Variants in RIC1 observed in about 807,000 individuals in gnomAD.
RIC1 encodes RIC1 partner of RAB6A GEF complex, also known as guanine nucleotide exchange factor subunit RIC1.
RIC1 carries 88 observed loss-of-function variants against 169.0 expected under a neutral mutation model. The ratio of observed to expected loss-of-function variants is 0.52; its 90% CI spans 0.44 to 0.62. The LOEUF (loss-of-function observed/expected upper bound fraction) is 0.62, where lower values mean the gene tolerates loss of function less well. Ranked by LOEUF, RIC1 falls within the 20% of genes least tolerant of loss-of-function variation. The probability of loss-of-function intolerance (pLI) is 0.00; values close to 1 mark genes in which losing one functional copy is unlikely to be tolerated. For synonymous variants in RIC1, 790 were observed against 601.5 expected, an observed-to-expected ratio of 1.31 and a Z score of -4.59; for missense variants, 1,877 against 1,725.5, an observed-to-expected ratio of 1.09 and a Z score of -1.56.
chr9:5,733,486 T>A (rs1160145108), intron 7 of RIC1, among the ~76,000 whole-genome samples: 1 of 152,076 alleles, frequency 6.6e-6, no homozygotes, highest in East Asian at 1.9e-4. Context: ...GCCAGGATGG[T>A]CTTGATCTCC....
chr9:5,633,169 G>A (rs2130231865), intron 1 of RIC1, among the ~76,000 whole-genome samples: 1 of 152,232 alleles, frequency 6.6e-6, no homozygotes, highest in African/African-American at 2.4e-5. Context: ...AGTTCCCATT[G>A]GTATGTGCTA....
chr9:5,694,937 T>C (rs1003365914), intron 3 of RIC1, among the ~76,000 whole-genome samples: 7 of 152,120 alleles, frequency 4.6e-5, no homozygotes, highest in African/African-American at 1.7e-4. Flanking sequence ...CTGTTGTAGA[T>C]ACTAGAGATC....
At chr9:5,637,407 C>T (rs1818023381) in intron 1 of RIC1, among the ~76,000 whole-genome samples, 1 of 152,124 alleles carries the variant, frequency 6.6e-6, no homozygotes, top group Admixed American at 6.5e-5. Context: ...TTGTAACAAT[C>T]AGTTCATGAA....
Position 5,720,180 on chromosome 9 carries a change from A to G in RIC1, c.441-2A>G. On this transcript the variant is annotated splice_acceptor_variant, in intron 4 of 25. Coordinates refer to ENST00000414202, the MANE Select transcript of RIC1 (RefSeq NM_020829.4). LOFTEE classifies it high-confidence loss of function. Reference sequence around the variant, plus strand: ...TTAAAAATTAATTGATTCTACCTACAGTTTGCAGTCTGTGTTGGAAGATCT... The same window carrying G: ...TTAAAAATTAATTGATTCTACCTACGGTTTGCAGTCTGTGTTGGAAGATCT... The G allele has an allele frequency of 6.2e-7, 1 of 1,609,320 alleles. No homozygotes were observed. The highest frequency in any genetic ancestry group is 8.5e-7 in the Non-Finnish European group (1 of 1,176,034).
Position 5,765,539 on chromosome 9 carries a change from A to G in RIC1, c.2967A>G (p.Glu989=). Residue 989 remains glutamate, a synonymous_variant, in exon 20 of 26, where the codon GAA becomes GAG. Transcript: ENST00000414202. The part of the protein sequence containing the change: ...IRFLKAIGSG[E]SETPPSTPTA... Reference sequence around the variant, plus strand: ...TTCTTAAAGCCATTGGCTCTGGAGAATCTGAGACACCTCCATCCACACCCA... The same window carrying G: ...TTCTTAAAGCCATTGGCTCTGGAGAGTCTGAGACACCTCCATCCACACCCA... The G allele has an allele frequency of 1.1e-5, 17 of 1,614,010 alleles. No homozygotes were observed. Among genetic ancestry groups the G allele is most frequent in the Non-Finnish European group, 1.4e-5 (16 of 1,179,964 alleles).
At chr9:5,727,638 T>C (rs577379309) in intron 6 of RIC1, among the ~76,000 whole-genome samples, 1 of 152,354 alleles carries the variant, frequency 6.6e-6, no homozygotes, top group South Asian at 2.1e-4. Context: ...TTTAGAATTT[T>C]AGCTTTTCTG....
At position 5,763,576 on chromosome 9, in the gene RIC1, C is replaced by T; in HGVS notation, c.2549C>T (p.Ser850Phe). 1 of 1,614,130 alleles carries T rather than the reference C, an allele frequency of 6.2e-7. No individual in the cohort carries two copies. The highest frequency in any genetic ancestry group is 8.5e-7 in the Non-Finnish European group (1 of 1,179,994). ...GAGCAAGCCTTGCTCTTGGCCCAGT[C>T]CTGTGCCACATTACCTTACTTCCCT... ...LGEQALLLAQ[S>F]CATLPYFPHV... The change falls in exon 19 of 26, where the codon TCC (serine) becomes TTC (phenylalanine). Residue 850 changes from serine (S) to phenylalanine (F), a missense_variant. Ser to Phe is a radical substitution (Grantham distance 155). This residue lies in a region of RIC1 where 92 missense variants were observed against 151.5 expected (regional missense o/e 0.61). Coordinates refer to ENST00000414202, the MANE Select transcript of RIC1 (RefSeq NM_020829.4). This position sits in a 1 kb window ranked among gnomAD's most constrained non-coding sequence, Gnocchi z 5.2.
intron 21 of RIC1, among the ~76,000 whole-genome samples, chr9:5,767,578 ATGTTTTACTGGGTTTTTT>A (rs1826870827): frequency 6.7e-6 from 1 of 149,970 alleles, no homozygotes; most frequent in Admixed American, 6.6e-5. Flanking sequence ...TGTTATTGTC[ATGTTTTACTGGGTTTTTT>A]TGTTTTTTGA....
intron 2 of RIC1, among the ~76,000 whole-genome samples, chr9:5,665,192 G>A (rs1819681480): frequency 6.6e-6 from 1 of 151,912 alleles, no homozygotes; most frequent in South Asian, 2.1e-4. Context: ...TGATCTTGTA[G>A]TGTGTTTCTC....
At chr9:5,713,336 G>A (rs544638672) in intron 3 of RIC1, 1 of 152,500 alleles carries the variant, frequency 6.6e-6, no homozygotes, top group East Asian at 1.9e-4. Context: ...CTCTACTGCA[G>A]CTATTTGATG....
At chr9:5,764,975 C>T (rs1235132106) in intron 19 of RIC1, 1 of 153,906 alleles carries the variant, frequency 6.5e-6, no homozygotes. Context: ...TGCTATTGCC[C>T]AAAGCAAAGA....
Position 5,661,392 on chromosome 9 carries a change from G to A in RIC1, c.252+4702G>A, listed in dbSNP as rs1437556838. On this transcript the variant is annotated intron_variant, in intron 2 of 25. Transcript: ENST00000414202. ...GAAGAATGTCAGTGGTAGTTTAATG[G>A]GGATAGCATTGAATCTATAAATTAC... Among the ~76,000 whole-genome samples, 6 of 152,258 alleles carry A rather than the reference G, an allele frequency of 3.9e-5. No homozygotes were observed. The East Asian group carries it at 1.2e-3, about 29-fold the overall frequency.
chr9:5,649,639 A>G (rs1016679775), intron 1 of RIC1, among the ~76,000 whole-genome samples: 2 of 150,784 alleles, frequency 1.3e-5, no homozygotes, highest in African/African-American at 4.9e-5. Context: ...TGTCTTTAGT[A>G]TTATTTTGAA....
intron 17 of RIC1, among the ~76,000 whole-genome samples, chr9:5,761,275 G>A (rs1251664784): frequency 3.3e-5 from 5 of 151,644 alleles, no homozygotes; most frequent in African/African-American, 4.8e-5. Flanking sequence ...CACCACGCCC[G>A]GCTTATTTTT....
At chr9:5,760,320 G>A (rs1826251685) in intron 17 of RIC1, among the ~76,000 whole-genome samples, 1 of 152,182 alleles carries the variant, frequency 6.6e-6, no homozygotes, top group South Asian at 2.1e-4. Context: ...AAAGTTGCTT[G>A]AGAGTGCTGT....
Position 5,629,263 on chromosome 9 carries a change from T to G in RIC1, c.-47T>G. The G allele has an allele frequency of 7.0e-7, 1 of 1,422,752 alleles. No individual in the cohort carries two copies. The highest frequency in any genetic ancestry group is 9.2e-7 in the Non-Finnish European group (1 of 1,086,156). 88.1% of individuals were successfully genotyped at this position (1,422,752 alleles called of 1,614,324 possible). ...AGGTGGGCGACCAGCCCGGGGCCGC[T>G]GAGTGTGACGGACGCAACTGGGGGC... is the stretch of plus-strand genomic sequence containing the variant. On this transcript the variant is annotated 5_prime_UTR_variant, in exon 1 of 26. An upstream open reading frame in the 5' UTR loses its in-frame stop. Coordinates refer to ENST00000414202, the MANE Select transcript of RIC1 (RefSeq NM_020829.4).
intron 15 of RIC1, 61 bp from the exon 16 acceptor site, chr9:5,756,151 A>G (rs1825999699): frequency 5.8e-6 from 6 of 1,042,430 alleles, no homozygotes; most frequent in Non-Finnish European, 7.7e-6. Flanking sequence ...TGTTTAAAGT[A>G]TTTGGTCATC....
intron 2 of RIC1, among the ~76,000 whole-genome samples, chr9:5,666,668 G>A (rs1819784894): frequency 6.6e-6 from 1 of 152,152 alleles, no homozygotes; most frequent in African/African-American, 2.4e-5. Context: ...TCCTGTTAAT[G>A]TAGTGTATTT....
intron 1 of RIC1, among the ~76,000 whole-genome samples, chr9:5,631,402 A>G (rs1373627402): frequency 6.6e-6 from 1 of 152,156 alleles, no homozygotes; most frequent in Non-Finnish European, 1.5e-5. Context: ...ATAGTACTGT[A>G]GTATGAGTGG....
Sources: allele counts gnomAD v4.1 joint callset (sites outside exome capture counted in the v4.1 genomes callset), GRCh38; gene constraint gnomAD v4.1.1; regional missense constraint gnomAD v4.1.1; non-coding constraint Gnocchi (gnomAD v3.1); transcripts MANE v1.5; gene names NCBI Gene and HGNC (gene_info 2026-07-23, HGNC 2026-07-21).